OSCP1: variants seen among roughly 807,000 people sequenced by gnomAD.
OSCP1 encodes protein OSCP1.
OSCP1 carries 35 observed loss-of-function variants against 45.1 expected under a neutral mutation model. The ratio of observed to expected loss-of-function variants is 0.78; its 90% CI spans 0.59 to 1.03. The LOEUF (loss-of-function observed/expected upper bound fraction) is 1.03. Ranked by LOEUF, OSCP1 falls within the 50% of genes least tolerant of loss-of-function variation. The pLI is 0.00. For synonymous variants in OSCP1, 179 were observed against 180.1 expected (o/e 0.99, Z 0.05); for missense variants, 400 against 470.7 (o/e 0.85, Z 1.39).
chr1:36,421,532 T>C (rs1480300255), intron 7 of OSCP1, among the ~76,000 whole-genome samples: 4 of 152,218 alleles, frequency 2.6e-5, no homozygotes, highest in African/African-American at 9.6e-5. Flanking sequence ...CAGCCAGCCC[T>C]TCCTCCACCT....
intron 4 of OSCP1, chr1:36,428,187 C>T (rs1328482731): frequency 1.3e-6 from 1 of 785,764 alleles, no homozygotes; most frequent in South Asian, 2.1e-5. Context: ...CAGACTGCAT[C>T]TCAAAAAAAA....
chr1:36,419,325 C>T (rs1252970101), intron 8 of OSCP1: 3 of 471,620 alleles, frequency 6.4e-6, no homozygotes, highest in Non-Finnish European at 1.1e-5. Context: ...CAAATGCCAG[C>T]TCCTTCAATC....
At chr1:36,442,925 G>C (rs989817225) in intron 1 of OSCP1, among the ~76,000 whole-genome samples, 6 of 151,636 alleles carry the variant, frequency 4.0e-5, no homozygotes, top group African/African-American at 1.5e-4. Context: ...ATTAGAATTA[G>C]GTCTGTTTGA....
Position 36,418,990 on chromosome 1 carries a change from C to G in OSCP1, c.1023+1G>C, listed in dbSNP as rs1647451242. 6.2e-7 allele frequency: 1 copy of G among 1,601,760 alleles called. No individual in the cohort carries two copies. The highest frequency in any genetic ancestry group is 1.7e-5 in the Admixed American group (1 of 59,914). The stretch of plus-strand genomic sequence containing the variant: ...GACCCTGTGTTATCCCCTGTACGTA[C>G]CTGGGTGGCTTGTATGTTGATAACT... On this transcript the variant is annotated splice_donor_variant, in intron 9 of 9. Coordinates refer to ENST00000235532, the MANE Select transcript of OSCP1 (RefSeq NM_145047.5). LOFTEE classifies it high-confidence loss of function.
intron 1 of OSCP1, among the ~76,000 whole-genome samples, chr1:36,446,169 C>A (rs778614327): frequency 3.3e-5 from 5 of 151,774 alleles, no homozygotes; most frequent in Non-Finnish European, 7.4e-5. Flanking sequence ...ATTACAGGCG[C>A]CTGCCACCAC....
chr1:36,422,451 C>G (rs1223905472), intron 6 of OSCP1, among the ~76,000 whole-genome samples: 1 of 152,160 alleles, frequency 6.6e-6, no homozygotes, highest in East Asian at 1.9e-4. Flanking sequence ...AAGAGTAACA[C>G]GCATCACTGA....
chr1:36,427,451 T>C (rs1648047626), intron 4 of OSCP1, among the ~76,000 whole-genome samples: 1 of 151,328 alleles, frequency 6.6e-6, no homozygotes, highest in Non-Finnish European at 1.5e-5. Flanking sequence ...GTATGAGCCA[T>C]CACTCCCAGT....
At chr1:36,449,729 T>G (rs1649764872) in intron 1 of OSCP1, among the ~76,000 whole-genome samples, 1 of 146,296 alleles carries the variant, frequency 6.8e-6, no homozygotes. Flanking sequence ...CCCAGCTACT[T>G]GGGAGGCTGA....
intron 2 of OSCP1, among the ~76,000 whole-genome samples, chr1:36,432,884 A>G (rs1235102798): frequency 6.6e-6 from 1 of 152,238 alleles, no homozygotes; most frequent in Non-Finnish European, 1.5e-5. Flanking sequence ...TATTGGCAGC[A>G]GCGGAGTCCC....
At chr1:36,434,420 T>C (rs1648576692) in intron 2 of OSCP1, among the ~76,000 whole-genome samples, 1 of 152,172 alleles carries the variant, frequency 6.6e-6, no homozygotes, top group Non-Finnish European at 1.5e-5. Context: ...TTCTCCTACC[T>C]GCAGCCAAAC....
chr1:36,433,830 C>G (rs1557557936), intron 2 of OSCP1, among the ~76,000 whole-genome samples: 1 of 152,098 alleles, frequency 6.6e-6, no homozygotes, highest in South Asian at 2.1e-4. Flanking sequence ...GGGGGAGTAG[C>G]TAGCACCTGG....
Position 36,443,929 on chromosome 1 carries a change from T to G in OSCP1, c.113-5019A>C, listed in dbSNP as rs1352188531. On this transcript the variant is annotated intron_variant, in intron 1 of 9. Coordinates refer to ENST00000235532, the MANE Select transcript of OSCP1 (RefSeq NM_145047.5). ...TTTGAAATGTTTCAAGCGGTCCCAT[T>G]TTAAGCCCTGCTGATAAAGGCCTGA... is the stretch of plus-strand genomic sequence containing the variant. 2.0e-6 allele frequency: 3 copies of G among 1,512,834 alleles called. No homozygotes were observed. The Admixed American group carries it at 5.2e-5, about 26-fold the overall frequency. 93.7% of individuals were successfully genotyped at this position (1,512,834 alleles called of 1,614,324 possible). A position where few individuals can be genotyped will look rare whatever the true frequency, so the allele number is the denominator to read the frequency against.
At position 36,438,892 on chromosome 1, in the gene OSCP1, G is replaced by A. The variant is rs553056470; in HGVS notation, c.131C>T (p.Ser44Phe). 7 of 1,614,088 alleles carry A rather than the reference G, an allele frequency of 4.3e-6. No individual in the cohort carries two copies. The South Asian group carries it at 6.6e-5, about 15-fold the overall frequency. ...CATAAACTTTCTATTGAACATGGTG[G>A]AGATGATGTCATTCAGAACTGCAGA... Reference protein sequence around the residue: ...KARKVLNDIISTMFNRKFMEE... With the variant: ...KARKVLNDIIFTMFNRKFMEE... Residue 44 changes from serine to phenylalanine, a missense_variant, in exon 2 of 10, where the codon TCC (serine) becomes TTC (phenylalanine). Coordinates refer to ENST00000235532, the MANE Select transcript of OSCP1 (RefSeq NM_145047.5).
intron 4 of OSCP1, among the ~76,000 whole-genome samples, chr1:36,428,016 C>G (rs1648090664): frequency 6.6e-6 from 1 of 151,636 alleles, no homozygotes; most frequent in African/African-American, 2.4e-5. Flanking sequence ...GGTTAAACCC[C>G]GTCTCTACTA....
intron 2 of OSCP1, among the ~76,000 whole-genome samples, chr1:36,433,971 T>C (rs549614072): frequency 2.8e-4 from 43 of 152,248 alleles, no homozygotes; most frequent in Admixed American, 1.8e-3. Context: ...GATCACGCGA[T>C]ATTTAGAAGG....
intron 1 of OSCP1, among the ~76,000 whole-genome samples, chr1:36,449,864 A>G (rs1274908035): frequency 2.0e-5 from 3 of 148,362 alleles, no homozygotes; most frequent in African/African-American, 7.6e-5. Context: ...AAAAAAAAAA[A>G]AAAATCAGAA....
At chr1:36,418,939 A>G in intron 9 of OSCP1, 52 bp downstream of exon 9, 1 of 1,464,666 alleles carries the variant, frequency 6.8e-7, no homozygotes. Flanking sequence ...GAAAAAAAAA[A>G]AAAGATGAGG....
chr1:36,432,693 G>T, intron 2 of OSCP1, 104 bp from the exon 3 acceptor site: 1 of 1,380,908 alleles, frequency 7.2e-7, no homozygotes, highest in Non-Finnish European at 1.0e-6. Flanking sequence ...ACCAACTCTG[G>T]GCTTGCCATA....
chr1:36,418,449 C>T, intron 9 of OSCP1, 194 bp from the exon 10 acceptor site: 1 of 607,354 alleles, frequency 1.6e-6, no homozygotes, highest in Admixed American at 2.8e-5. Context: ...TCTTAATCAA[C>T]ATGTATGTGA....
Sources: gnomAD v4.1 joint callset for allele counts (sites outside exome capture counted in the v4.1 genomes callset) on GRCh38, gnomAD v4.1.1 for gene constraint, MANE v1.5 for transcripts, NCBI Gene and HGNC (gene_info 2026-07-23, HGNC 2026-07-21) for gene names.